ATXN7: variants seen among roughly 807,000 people sequenced by gnomAD.
ATXN7 encodes ataxin-7.
In ATXN7, 12 loss-of-function variants were observed where a neutral mutation model predicts 70.5. The ratio of observed to expected loss-of-function variants is 0.17; its 90% CI spans 0.11 to 0.28. ATXN7 has a LOEUF of 0.28. Among genes scored for constraint, ATXN7 ranks in the 10% least tolerant of loss-of-function variants. The pLI is 1.00. For synonymous variants in ATXN7, 498 were observed against 448.7 expected (o/e 1.11, Z -1.39); for missense variants, 1,256 against 1,131.7 (o/e 1.11, Z -1.58).
chr3:63,978,009 C>G (rs1328199259), intron 5 of ATXN7, among the ~76,000 whole-genome samples: 1 of 152,164 alleles, frequency 6.6e-6, no homozygotes, highest in African/African-American at 2.4e-5. Flanking sequence ...CCCTTTAGTG[C>G]CTTGTAGCAG....
rs188147525 is a variant in ATXN7, at chr3:63,999,443, T to C, written c.2662-7T>C. On this transcript the variant is annotated splice_region_variant and splice_polypyrimidine_tract_variant and intron_variant, in intron 12 of 12. Transcript: ENST00000674280. ...TCATTATTTCCCCACCCCCTCTTTT[T>C]TGAAAGCCAAAGGCACGTCCCTGAC... 6.2e-7 allele frequency: 1 copy of C among 1,613,258 alleles called. No homozygotes were observed. Among genetic ancestry groups the C allele is most frequent in the Non-Finnish European group, 8.5e-7 (1 of 1,179,290 alleles).
chr3:63,879,242 AAGAG>A (rs776704193), intron 1 of ATXN7, among the ~76,000 whole-genome samples: 1 of 152,208 alleles, frequency 6.6e-6, no homozygotes, highest in Non-Finnish European at 1.5e-5. Flanking sequence ...TAAATATTCA[AAGAG>A]AGAATCTGAA....
At chr3:63,883,605 A>G (rs963041256) in intron 1 of ATXN7, among the ~76,000 whole-genome samples, 1 of 152,198 alleles carries the variant, frequency 6.6e-6, no homozygotes, top group African/African-American at 2.4e-5. Flanking sequence ...ACTATCCTAA[A>G]TAATCCTATG....
chr3:63,987,345 A>G (rs2075594156), intron 8 of ATXN7, among the ~76,000 whole-genome samples: 1 of 152,200 alleles, frequency 6.6e-6, no homozygotes, highest in Non-Finnish European at 1.5e-5. Context: ...TTCTGAAATT[A>G]GACATTGTCT....
chr3:63,990,299 C>A lies in ATXN7; in HGVS notation c.1485C>A (p.Gly495=), dbSNP rs750239294. The change falls in exon 10 of 13, where the codon GGC becomes GGA. Residue 495 remains glycine (G), a synonymous_variant. Transcript: ENST00000674280. The part of the protein sequence containing the change: ...EPASRLSSEE[G]EGDDKEESVE... ...CTTCTCGGTTATCCAGTGAGGAGGGCGAAGGCGATGACAAAGAAGAGTCTG... is the reference window on the plus strand; with the variant it reads ...CTTCTCGGTTATCCAGTGAGGAGGGAGAAGGCGATGACAAAGAAGAGTCTG... The A allele has an allele frequency of 2.2e-5, 36 of 1,614,098 alleles. No homozygotes were observed. The East Asian group carries it at 7.6e-4, about 34-fold the overall frequency.
At chr3:63,916,340 C>T (rs953504872) in intron 4 of ATXN7, among the ~76,000 whole-genome samples, 3 of 152,050 alleles carry the variant, frequency 2.0e-5, no homozygotes, top group Non-Finnish European at 4.4e-5. Context: ...TTGTAGTTCC[C>T]CTGAAATTGT....
At chr3:63,882,828 G>A (rs1282463221) in intron 1 of ATXN7, among the ~76,000 whole-genome samples, 2 of 152,194 alleles carry the variant, frequency 1.3e-5, no homozygotes, top group Non-Finnish European at 2.9e-5. Flanking sequence ...ACCTTAGTGA[G>A]GCAGTTTTGG....
intron 4 of ATXN7, 55 bp from the exon 5 acceptor site, chr3:63,952,324 G>A (rs959834580): frequency 2.1e-5 from 29 of 1,400,034 alleles, no homozygotes; most frequent in African/African-American, 7.3e-5. Context: ...TCCCAAAATG[G>A]TTTTATATCA....
chr3:63,981,732 T>C (rs918177290), intron 6 of ATXN7, among the ~76,000 whole-genome samples: 3 of 152,246 alleles, frequency 2.0e-5, no homozygotes, highest in Admixed American at 1.3e-4. Flanking sequence ...CATAAGTCTT[T>C]AGTGACATTT....
At chr3:63,952,835 CTTTTTTTTTTTTT>C (rs59256288) in intron 5 of ATXN7, among the ~76,000 whole-genome samples, 12,061 of 49,184 alleles carry the variant, frequency 0.25, 914 homozygotes, top group East Asian at 0.35. Flanking sequence ...ATGCATGGGC[CTTTTTTTTTTTTT>C]TTTTTTTTTT....
Position 63,957,844 on chromosome 3 carries a change from A to C in ATXN7, c.499+5361A>C, listed in dbSNP as rs553809362. On this transcript the variant is annotated intron_variant, in intron 5 of 12. Coordinates refer to ENST00000674280, the MANE Select transcript of ATXN7 (RefSeq NM_001377405.1). Reference sequence around the variant, plus strand: ...AAGTTCTTGAATTTTGTTAAATCAGATGTTTAAAGAGCTATCTACTGAGGC... The same window carrying C: ...AAGTTCTTGAATTTTGTTAAATCAGCTGTTTAAAGAGCTATCTACTGAGGC... Among the ~76,000 whole-genome samples, 417 of 152,368 alleles carry C rather than the reference A, an allele frequency of 2.7e-3. 2 individuals carry two copies. Among genetic ancestry groups the C allele is most frequent in the African/African-American group, 9.5e-3 (394 of 41,596 alleles).
chr3:63,932,332 G>C (rs771459241), intron 4 of ATXN7, among the ~76,000 whole-genome samples: 4 of 152,302 alleles, frequency 2.6e-5, no homozygotes, highest in Admixed American at 6.5e-5. Flanking sequence ...GCCAGGCTGA[G>C]AAGATGAACC....
intron 5 of ATXN7, among the ~76,000 whole-genome samples, chr3:63,967,402 T>C (rs552882083): frequency 6.6e-6 from 1 of 152,268 alleles, no homozygotes; most frequent in African/African-American, 2.4e-5. Context: ...TTTGAAAAGC[T>C]TAGCAACTGT....
chr3:63,912,483 GC>G, intron 2 of ATXN7, 104 bp from the exon 3 acceptor site: 1 of 719,406 alleles, frequency 1.4e-6, no homozygotes, highest in Non-Finnish European at 1.7e-6. Context: ...CTGTCAGCGT[GC>G]CCCACCCGGT....
chr3:63,952,359 G>T lies in ATXN7; in HGVS notation c.395-20G>T, dbSNP rs747023528. Reference sequence around the variant, plus strand: ...AGTCAGAACCAGATGAGTGAGTGATGCTCTGTTTCTGTGTTGCAGACATGC... The same window carrying T: ...AGTCAGAACCAGATGAGTGAGTGATTCTCTGTTTCTGTGTTGCAGACATGC... On this transcript the variant is annotated intron_variant, in intron 4 of 12. Coordinates refer to ENST00000674280, the MANE Select transcript of ATXN7 (RefSeq NM_001377405.1). 6.4e-7 allele frequency: 1 copy of T among 1,571,562 alleles called. No homozygotes were observed. Among genetic ancestry groups the T allele is most frequent in the South Asian group, 1.1e-5 (1 of 87,916 alleles).
intron 1 of ATXN7, among the ~76,000 whole-genome samples, chr3:63,891,591 G>A (rs1050458704): frequency 2.0e-5 from 3 of 152,166 alleles, no homozygotes; most frequent in African/African-American, 7.2e-5. Context: ...CCAAGGTGCT[G>A]GGATTACAGG....
chr3:63,936,718 GAT>G (rs1173717301), intron 4 of ATXN7, among the ~76,000 whole-genome samples: 1 of 152,122 alleles, frequency 6.6e-6, no homozygotes. Flanking sequence ...AACTGCCTGT[GAT>G]AGGTTCTAGG....
chr3:63,917,372 A>C lies in ATXN7; in HGVS notation c.394+4147A>C, dbSNP rs574522412. 4.6e-5 allele frequency among the ~76,000 whole-genome samples: 7 copies of C among 152,360 alleles called. No individual in the cohort carries two copies. The South Asian group carries it at 8.3e-4, about 18-fold the overall frequency. On this transcript the variant is annotated intron_variant, in intron 4 of 12. Coordinates refer to ENST00000674280, the MANE Select transcript of ATXN7 (RefSeq NM_001377405.1). ...AGATTTTGGATTTGTGAAAGTTAAC[A>C]AAATTATGTTTAGATTGAATTAATT...
chr3:63,991,133 T>G (rs1208373936), intron 11 of ATXN7: 2 of 439,384 alleles, frequency 4.6e-6, no homozygotes, highest in African/African-American at 3.9e-5. Context: ...AAAAAACTAG[T>G]CTACAGAAGA....
Sources: gnomAD v4.1 joint callset for allele counts (sites outside exome capture counted in the v4.1 genomes callset) on GRCh38, gnomAD v4.1.1 for gene constraint, MANE v1.5 for transcripts, NCBI Gene and HGNC (gene_info 2026-07-23, HGNC 2026-07-21) for gene names.